Variants in CDH6 observed in about 807,000 individuals in gnomAD.
The protein encoded by CDH6 is cadherin-6.
A neutral mutation model predicts 78.0 loss-of-function variants in CDH6; 31 were observed. The observed-to-expected ratio is 0.40, with a 90% confidence interval of 0.30 to 0.54. The LOEUF (loss-of-function observed/expected upper bound fraction) is 0.54. Among genes scored for constraint, CDH6 ranks in the 20% least tolerant of loss-of-function variants. CDH6 has a pLI of 0.56. For missense variants in CDH6, 724 were observed against 975.9 expected, an observed-to-expected ratio of 0.74 and a Z score of 3.44; for synonymous variants, 376 against 368.8, an observed-to-expected ratio of 1.02 and a Z score of -0.23.
chr5:31,289,490 T>G (rs541578748), intron 2 of CDH6, among the ~76,000 whole-genome samples: 1 of 152,318 alleles, frequency 6.6e-6, no homozygotes, highest in South Asian at 2.1e-4. Flanking sequence ...GATTACAGAA[T>G]GATCTACTGA....
chr5:31,266,368 A>G (rs1429833202), intron 1 of CDH6, among the ~76,000 whole-genome samples: 2 of 152,180 alleles, frequency 1.3e-5, no homozygotes, highest in African/African-American at 4.8e-5. Context: ...GATGGCCCTC[A>G]CTGGTACTTA....
intron 11 of CDH6, 53 bp from the exon 12 acceptor site, chr5:31,322,765 T>C (rs964940296): frequency 7.1e-6 from 11 of 1,558,616 alleles, no homozygotes; most frequent in Admixed American, 5.8e-5. Flanking sequence ...CTGACATTAA[T>C]TGGGCAGCAA....
chr5:31,320,093 C>T (rs1738439256), intron 11 of CDH6, among the ~76,000 whole-genome samples: 1 of 152,172 alleles, frequency 6.6e-6, no homozygotes, highest in Non-Finnish European at 1.5e-5. Flanking sequence ...AAGGGGGAGA[C>T]TCAGTTCCTG....
rs1175664024 is a variant in CDH6, at chr5:31,313,419, T to C, written c.1355T>C (p.Leu452Pro). The C allele has an allele frequency of 6.2e-7, 1 of 1,614,042 alleles. No individual in the cohort carries two copies. Among genetic ancestry groups the C allele is most frequent in the Admixed American group, 1.7e-5 (1 of 60,034 alleles). Residue 452 changes from leucine to proline, a missense_variant, in exon 8 of 12, where the codon CTA (leucine) becomes CCA (proline). Leu to Pro is a moderately conservative substitution (Grantham distance 98). Coordinates refer to ENST00000265071, the MANE Select transcript of CDH6 (RefSeq NM_004932.4). Reference protein sequence around the residue: ...TSKLLDRETLLWHNITVIATE... With the variant: ...TSKLLDRETLPWHNITVIATE... Reference sequence around the variant, plus strand: ...AAACTTCTTGACCGAGAAACACTGCTATGGCACAACATTACAGTGATAGCA... The same window carrying C: ...AAACTTCTTGACCGAGAAACACTGCCATGGCACAACATTACAGTGATAGCA...
At chr5:31,194,516 G>A (rs1230705499) in intron 1 of CDH6, among the ~76,000 whole-genome samples, 5 of 152,208 alleles carry the variant, frequency 3.3e-5, no homozygotes, top group Admixed American at 3.3e-4. Context: ...TAGCTTGCAC[G>A]TTCCGGGCAA....
chr5:31,218,801 A>G (rs1431909685), intron 1 of CDH6, among the ~76,000 whole-genome samples: 1 of 152,172 alleles, frequency 6.6e-6, no homozygotes, highest in Non-Finnish European at 1.5e-5. Flanking sequence ...TATAAAATTT[A>G]AGTCAGAGCA....
chr5:31,263,600 A>G (rs946888352), intron 1 of CDH6, among the ~76,000 whole-genome samples: 1 of 151,804 alleles, frequency 6.6e-6, no homozygotes, highest in African/African-American at 2.4e-5. Context: ...CTCTTCTTAT[A>G]AAGCCACCAC....
chr5:31,316,670 A>C (rs1387605906), intron 9 of CDH6, among the ~76,000 whole-genome samples: 1 of 152,208 alleles, frequency 6.6e-6, no homozygotes, highest in Non-Finnish European at 1.5e-5. Flanking sequence ...ATAATTGCCT[A>C]TAATTCATGA....
intron 2 of CDH6, among the ~76,000 whole-genome samples, chr5:31,286,841 G>A (rs7706205): frequency 0.036 from 5,428 of 152,190 alleles, 319 homozygotes; most frequent in African/African-American, 0.12. Flanking sequence ...GGTGACAGCA[G>A]TGAAAATGGG....
chr5:31,302,810 AAGAAAGAAAG>A (rs1737827581), intron 6 of CDH6, among the ~76,000 whole-genome samples: 1 of 130,914 alleles, frequency 7.6e-6, no homozygotes, highest in Non-Finnish European at 1.6e-5. Context: ...GAAAGAAAGA[AAGAAAGAAAG>A]AAAGAAAGAA....
chr5:31,265,513 G>C (rs1166651694), intron 1 of CDH6, among the ~76,000 whole-genome samples: 2 of 152,162 alleles, frequency 1.3e-5, no homozygotes, highest in African/African-American at 4.8e-5. Context: ...CCATGTATTA[G>C]GTGGCTATAA....
chr5:31,214,008 G>T (rs565677055), intron 1 of CDH6, among the ~76,000 whole-genome samples: 2 of 152,174 alleles, frequency 1.3e-5, no homozygotes, highest in African/African-American at 4.8e-5. Context: ...CTTCTACTTT[G>T]TAACTCCCTA....
intron 7 of CDH6, among the ~76,000 whole-genome samples, chr5:31,312,934 T>A (rs184603567): frequency 1.0e-5 from 1 of 96,836 alleles, no homozygotes; most frequent in East Asian, 3.4e-4. Flanking sequence ...AAACCCTACA[T>A]ATGCATACAA....
At chr5:31,288,025 G>T (rs917710092) in intron 2 of CDH6, among the ~76,000 whole-genome samples, 14 of 152,114 alleles carry the variant, frequency 9.2e-5, no homozygotes, top group African/African-American at 3.1e-4. Flanking sequence ...CCATCCCCTT[G>T]GGCACTGTTC....
intron 6 of CDH6, among the ~76,000 whole-genome samples, chr5:31,304,844 C>T (rs1048672225): frequency 6.6e-6 from 1 of 152,076 alleles, no homozygotes; most frequent in African/African-American, 2.4e-5. Context: ...TTCCAAGTGC[C>T]CTTCCTGCCT....
At chr5:31,302,790 G>GAA (rs1737816369) in intron 6 of CDH6, among the ~76,000 whole-genome samples, 43 of 95,312 alleles carry the variant, frequency 4.5e-4, no homozygotes, top group Admixed American at 8.3e-4. Flanking sequence ...GAGAGAGAGA[G>GAA]AGAGAGAGAG....
At chr5:31,316,122 G>A (rs916319103) in intron 8 of CDH6, 86 bp from the exon 9 acceptor site, 40 of 1,410,480 alleles carry the variant, frequency 2.8e-5, no homozygotes, top group South Asian at 1.3e-4. Flanking sequence ...GCATGAATGA[G>A]AATGAAGGAG....
intron 1 of CDH6, among the ~76,000 whole-genome samples, chr5:31,263,656 T>A (rs1227428451): frequency 6.6e-6 from 1 of 152,038 alleles, no homozygotes; most frequent in East Asian, 1.9e-4. Context: ...CATGAACAAG[T>A]TAATCCATTC....
At chr5:31,196,168 A>G (rs1211467187) in intron 1 of CDH6, among the ~76,000 whole-genome samples, 1 of 152,196 alleles carries the variant, frequency 6.6e-6, no homozygotes, top group Non-Finnish European at 1.5e-5. Flanking sequence ...CACCACTTCC[A>G]TCAGCTTTGC....
Sources: gnomAD v4.1 joint callset for allele counts (sites outside exome capture counted in the v4.1 genomes callset) on GRCh38, gnomAD v4.1.1 for gene constraint, MANE v1.5 for transcripts, NCBI Gene and HGNC (gene_info 2026-07-23, HGNC 2026-07-21) for gene names.